The following ROR1 variants were observed in gnomAD, a reference collection of about 807,000 sequenced individuals.
ROR1 encodes ROR family WNT receptor 1, also known as inactive tyrosine-protein kinase transmembrane receptor ROR1.
In ROR1, 19 loss-of-function variants were observed where a neutral mutation model predicts 78.8. The observed-to-expected ratio is 0.24, with a 90% CI of 0.17 to 0.35. The LOEUF (loss-of-function observed/expected upper bound fraction) is 0.35. Among genes scored for constraint, ROR1 ranks in the 10% least tolerant of loss-of-function variants. The pLI is 1.00. For synonymous variants in ROR1, 386 were observed against 433.6 expected (o/e 0.89, Z 1.36); for missense variants, 917 against 1,177.8 (o/e 0.78, Z 3.24).
chr1:64,053,779 G>A (rs562197399), intron 4 of ROR1, among the ~76,000 whole-genome samples: 2 of 152,022 alleles, frequency 1.3e-5, no homozygotes, highest in Non-Finnish European at 2.9e-5. Context: ...TTGTTCATGG[G>A]CCAAAGATAT....
chr1:63,909,079 A>C (rs1390083907), intron 1 of ROR1, among the ~76,000 whole-genome samples: 8 of 152,112 alleles, frequency 5.3e-5, no homozygotes, highest in Non-Finnish European at 8.8e-5. Context: ...TTTTTTGTGA[A>C]GTTGTGACAG....
chr1:63,779,870 CA>C lies in ROR1; in HGVS notation c.91+5365del, dbSNP rs758795496. Among the ~76,000 whole-genome samples, 4 of 152,214 alleles carry C rather than the reference CA, an allele frequency of 2.6e-5. No homozygotes were observed. In the East Asian group the frequency reaches 7.7e-4, roughly 29 times the overall value. On this transcript the variant is annotated intron_variant, in intron 1 of 8. Transcript: ENST00000371079. ...ATGGACATCCATAGGACCTGAGTCT[CA>C]AACAGTTGCCCCTGAGTGAATTACA... is the stretch of plus-strand genomic sequence containing the variant.
intron 7 of ROR1, among the ~76,000 whole-genome samples, chr1:64,149,130 T>C (rs1649553396): frequency 6.6e-6 from 1 of 152,226 alleles, no homozygotes; most frequent in African/African-American, 2.4e-5. Flanking sequence ...TGCTAAGATA[T>C]CTGTGCCGGC....
At chr1:63,823,275 T>G (rs1644933910) in intron 1 of ROR1, among the ~76,000 whole-genome samples, 1 of 152,018 alleles carries the variant, frequency 6.6e-6, no homozygotes, top group Non-Finnish European at 1.5e-5. Flanking sequence ...CCCCAGTAAA[T>G]GTTGAATCCT....
chr1:64,100,720 C>T (rs1418791958), intron 4 of ROR1, among the ~76,000 whole-genome samples: 5 of 152,170 alleles, frequency 3.3e-5, no homozygotes, highest in African/African-American at 7.2e-5. Flanking sequence ...ATAGCTGAGT[C>T]GTAACAAATG....
chr1:64,158,933 G>A (rs1213128050), intron 7 of ROR1, 48 bp from the exon 8 acceptor site: 3 of 1,362,662 alleles, frequency 2.2e-6, no homozygotes, highest in African/African-American at 2.9e-5. Flanking sequence ...TATTATGCAT[G>A]TTACTTTAAA....
chr1:64,011,520 G>A lies in ROR1; in HGVS notation c.163+2144G>A, dbSNP rs562780804. On this transcript the variant is annotated intron_variant, in intron 2 of 8. Transcript: ENST00000371079. ...TGTGCTAAGAAAGGCAGCAGAGCCAGCAGTCTAGAACCCAGCCTGCCAGAC... is the reference window on the plus strand; with the variant it reads ...TGTGCTAAGAAAGGCAGCAGAGCCAACAGTCTAGAACCCAGCCTGCCAGAC... 1.4e-4 allele frequency among the ~76,000 whole-genome samples: 22 copies of A among 152,308 alleles called. No individual in the cohort carries two copies. In the South Asian group the frequency reaches 4.1e-3, roughly 29 times the overall value.
chr1:63,782,458 T>A (rs1201037331), intron 1 of ROR1, among the ~76,000 whole-genome samples: 1 of 152,074 alleles, frequency 6.6e-6, no homozygotes, highest in Non-Finnish European at 1.5e-5. Context: ...AGACTCTCCC[T>A]TAATCACTGT....
rs191335801 is a variant in ROR1 at position 64,089,674 on chromosome 1, A to G, written c.482+38958A>G. On this transcript the variant is annotated intron_variant, in intron 4 of 8. Transcript: ENST00000371079. ...CTCTGTGTCTATATCTATACTTTTCATAAGTGAGGAAAGAATATGTGAAAA... is the reference window on the plus strand; with the variant it reads ...CTCTGTGTCTATATCTATACTTTTCGTAAGTGAGGAAAGAATATGTGAAAA... Among the ~76,000 whole-genome samples, 31 of 152,316 alleles carry G rather than the reference A, an allele frequency of 2.0e-4. No homozygotes were observed. The East Asian group carries it at 2.5e-3, about 12-fold the overall frequency.
At chr1:64,021,814 A>G (rs903071555) in intron 2 of ROR1, among the ~76,000 whole-genome samples, 3 of 152,100 alleles carry the variant, frequency 2.0e-5, no homozygotes, top group African/African-American at 4.8e-5. Context: ...TTTGATTTTC[A>G]TACTTTCTTT....
intron 1 of ROR1, among the ~76,000 whole-genome samples, chr1:63,933,947 A>G (rs904529067): frequency 6.6e-6 from 1 of 152,206 alleles, no homozygotes; most frequent in Non-Finnish European, 1.5e-5. Flanking sequence ...ATAAGGAAGT[A>G]CAGAGAAGCA....
At chr1:63,815,540 A>T (rs1360683151) in intron 1 of ROR1, among the ~76,000 whole-genome samples, 1 of 137,034 alleles carries the variant, frequency 7.3e-6, no homozygotes, top group Non-Finnish European at 1.5e-5. Flanking sequence ...GTTTGGGTCT[A>T]ATAATATACT....
At chr1:63,874,891 T>G (rs530584791) in intron 1 of ROR1, among the ~76,000 whole-genome samples, 66 of 152,272 alleles carry the variant, frequency 4.3e-4, no homozygotes, top group African/African-American at 1.4e-3. Flanking sequence ...TGTAAAATAC[T>G]GTAAAGATAT....
At chr1:63,952,409 G>A (rs1470797332) in intron 1 of ROR1, among the ~76,000 whole-genome samples, 3 of 152,190 alleles carry the variant, frequency 2.0e-5, no homozygotes, top group African/African-American at 7.2e-5. Flanking sequence ...CAGTGCTCTA[G>A]AAGTCTAGGG....
At chr1:63,797,254 C>T (rs1160985628) in intron 1 of ROR1, among the ~76,000 whole-genome samples, 1 of 152,290 alleles carries the variant, frequency 6.6e-6, no homozygotes, top group South Asian at 2.1e-4. Context: ...GAAACCAAGG[C>T]TCAGAGTGGT....
At chr1:63,935,501 C>A (rs1179095154) in intron 1 of ROR1, among the ~76,000 whole-genome samples, 1 of 152,000 alleles carries the variant, frequency 6.6e-6, no homozygotes, top group Admixed American at 6.6e-5. Context: ...CTAACGGAAA[C>A]CCCAAAAAGT....
chr1:64,125,205 A>T (rs1648669091), intron 4 of ROR1, among the ~76,000 whole-genome samples: 1 of 152,218 alleles, frequency 6.6e-6, no homozygotes, highest in South Asian at 2.1e-4. Flanking sequence ...GGCTTTCCAG[A>T]CTCAAATAAA....
chr1:64,062,051 A>G (rs1311271307), intron 4 of ROR1, among the ~76,000 whole-genome samples: 1 of 152,158 alleles, frequency 6.6e-6, no homozygotes, highest in Non-Finnish European at 1.5e-5. Context: ...CTCTCCCTCA[A>G]ATTCTGAAGT....
intron 1 of ROR1, among the ~76,000 whole-genome samples, chr1:63,874,008 A>G (rs7535400): frequency 0.46 from 69,249 of 152,040 alleles, 18,223 homozygotes; most frequent in African/African-American, 0.74. Context: ...CCTGTTAAGA[A>G]CTGGTCTCGT....
Sources: allele counts gnomAD v4.1 joint callset (sites outside exome capture counted in the v4.1 genomes callset), GRCh38; gene constraint gnomAD v4.1.1; transcripts MANE v1.5; gene names NCBI Gene and HGNC (gene_info 2026-07-23, HGNC 2026-07-21).